NSD3: variants seen among roughly 807,000 people sequenced by gnomAD.
NSD3 encodes the protein histone-lysine N-methyltransferase NSD3.
In NSD3, 24 loss-of-function variants were observed where a neutral mutation model predicts 160.8. That is an observed-to-expected ratio of 0.15 (90% CI 0.11 to 0.21). The LOEUF (loss-of-function observed/expected upper bound fraction) is 0.21, where lower values mean the gene tolerates loss of function less well. Ranked by LOEUF, NSD3 falls within the 10% of genes least tolerant of loss-of-function variation. The probability of loss-of-function intolerance (pLI) is 1.00; values close to 1 mark genes in which losing one functional copy is unlikely to be tolerated. For synonymous variants in NSD3, 520 were observed against 600.0 expected, an observed-to-expected ratio of 0.87 and a Z score of 1.95; for missense variants, 1,157 against 1,735.9, an observed-to-expected ratio of 0.67 and a Z score of 5.93.
In NSD3 at chr8:38,275,597, A is replaced by G. The variant is rs1381774748; in HGVS notation, c.*44T>C. On this transcript the variant is annotated 3_prime_UTR_variant, in exon 24 of 24. Coordinates refer to ENST00000317025, the MANE Select transcript of NSD3 (RefSeq NM_023034.2). ...TCTCTTCTTTTTAAATGCATGATCT[A>G]TTTGCTTTTTTCACTTAAATAGAAA... 5.1e-6 allele frequency: 8 copies of G among 1,555,998 alleles called. No homozygotes were observed. Among genetic ancestry groups the G allele is most frequent in the Non-Finnish European group, 6.1e-6 (7 of 1,140,262 alleles).
chr8:38,274,308 C>G lies in NSD3; in HGVS notation c.*1333G>C, dbSNP rs770134823. On this transcript the variant is annotated 3_prime_UTR_variant, in exon 24 of 24. Coordinates refer to ENST00000317025, the MANE Select transcript of NSD3 (RefSeq NM_023034.2). ...TGGTGAGCAGACATCTTGGTATACTCGCATCTATAAGAGTCAAGCATCACC... is the reference window on the plus strand; with the variant it reads ...TGGTGAGCAGACATCTTGGTATACTGGCATCTATAAGAGTCAAGCATCACC... 4 of 152,164 alleles carry G rather than the reference C, an allele frequency of 2.6e-5. No individual in the cohort carries two copies. Among genetic ancestry groups the G allele is most frequent in the Admixed American group, 6.5e-5 (1 of 15,276 alleles). 9.4% of individuals were successfully genotyped at this position (152,164 alleles called of 1,614,324 possible). A position where few individuals can be genotyped will look rare whatever the true frequency, so the allele number is the denominator to read the frequency against.
At chr8:38,326,999 T>C in intron 6 of NSD3, 143 bp from the exon 7 acceptor site, 1 of 905,268 alleles carries the variant, frequency 1.1e-6, no homozygotes, top group Non-Finnish European at 1.6e-6. Flanking sequence ...TATCTTAGCC[T>C]TTATCAGAAA....
chr8:38,277,873 C>T (rs898983373), intron 22 of NSD3, among the ~76,000 whole-genome samples: 2 of 151,814 alleles, frequency 1.3e-5, no homozygotes, highest in Middle Eastern at 3.2e-3. Context: ...TGATGACCCA[C>T]AAACTAATCC....
rs114197140 is a variant in NSD3 at position 38,285,270 on chromosome 8, A to T, written c.3501+3217T>A. On this transcript the variant is annotated intron_variant, in intron 19 of 23. Transcript: ENST00000317025. The stretch of plus-strand genomic sequence containing the variant: ...GTCATTCAATATTTAATACCTTAAA[A>T]TTTTTTCTGAGAAAGAAACAACTTC... Among the ~76,000 whole-genome samples the T allele has an allele frequency of 8.3e-3, 1,259 of 152,300 alleles. 14 individuals carry two copies. Among genetic ancestry groups the T allele is most frequent in the African/African-American group, 0.029 (1,197 of 41,546 alleles).
chr8:38,311,323 C>T (rs768789620), intron 12 of NSD3, among the ~76,000 whole-genome samples: 11 of 151,824 alleles, frequency 7.2e-5, no homozygotes, highest in African/African-American at 1.5e-4. Context: ...TGAATTGTTT[C>T]GTTTTTTGTT....
intron 1 of NSD3, among the ~76,000 whole-genome samples, chr8:38,356,109 T>C (rs1020198775): frequency 2.6e-5 from 4 of 152,216 alleles, no homozygotes; most frequent in Non-Finnish European, 5.9e-5. Context: ...TGTACTAATC[T>C]ATCCATTCTA....
chr8:38,280,579 G>A (rs1808708858), intron 20 of NSD3, among the ~76,000 whole-genome samples: 1 of 152,030 alleles, frequency 6.6e-6, no homozygotes, highest in South Asian at 2.1e-4. Flanking sequence ...TAACAAAATA[G>A]TCAACAAATC....
In NSD3 at chr8:38,337,479, G is replaced by A; in HGVS notation, c.748-12C>T. 1.3e-6 allele frequency: 2 copies of A among 1,529,040 alleles called. No individual in the cohort carries two copies. Among genetic ancestry groups the A allele is most frequent in the Non-Finnish European group, 1.7e-6 (2 of 1,144,544 alleles). The allele number at this position is 1,529,040 out of a possible 1,614,324, so 94.7% of individuals were successfully genotyped here. A position where few individuals can be genotyped will look rare whatever the true frequency, so the allele number is the denominator to read the frequency against. On this transcript the variant is annotated splice_polypyrimidine_tract_variant and intron_variant, in intron 3 of 23. Coordinates refer to ENST00000317025, the MANE Select transcript of NSD3 (RefSeq NM_023034.2). ...AGTATTGGCTGAACCTACAGGAAAGGGTCAAAAAACTTCATCAGAAATTCA... is the reference window on the plus strand; with the variant it reads ...AGTATTGGCTGAACCTACAGGAAAGAGTCAAAAAACTTCATCAGAAATTCA...
chr8:38,292,514 G>T (rs970047529), intron 16 of NSD3, among the ~76,000 whole-genome samples: 1 of 152,048 alleles, frequency 6.6e-6, no homozygotes, highest in East Asian at 1.9e-4. Flanking sequence ...CAGGCACGGT[G>T]TCTCACGCCT....
At chr8:38,332,823 G>C (rs771396452) in intron 4 of NSD3, among the ~76,000 whole-genome samples, 1 of 151,918 alleles carries the variant, frequency 6.6e-6, no homozygotes, top group Non-Finnish European at 1.5e-5. Context: ...AAAAAAAACT[G>C]ATCTTTTGCG....
chr8:38,315,895 C>A lies in NSD3; in HGVS notation c.1986+17G>T, dbSNP rs1809651763. On this transcript the variant is annotated intron_variant, in intron 10 of 23. Transcript: ENST00000317025. ...TTCAAGAAAGAACACTTTGTCCAGA[C>A]CCTTGCACATATTTACCTGCAGGTC... 1 of 1,613,080 alleles carries A rather than the reference C, an allele frequency of 6.2e-7. No homozygotes were observed. The highest frequency in any genetic ancestry group is 1.7e-5 in the Admixed American group (1 of 59,936).
Position 38,275,548 on chromosome 8 carries a change from C to T in NSD3, c.*93G>A, listed in dbSNP as rs563083998. On this transcript the variant is annotated 3_prime_UTR_variant, in exon 24 of 24. Transcript: ENST00000317025. ...TGCTTTAATAAGGCAGTTCCGATGG[C>T]AAAGGCTGTATGCACTGTAGCAGTC... 104 of 1,268,210 alleles carry T rather than the reference C, an allele frequency of 8.2e-5. No individual in the cohort carries two copies. The African/African-American group carries it at 1.4e-3, about 17-fold the overall frequency. The allele number at this position is 1,268,210 out of a possible 1,614,324, so 78.6% of individuals were successfully genotyped here. A position where few individuals can be genotyped will look rare whatever the true frequency, so the allele number is the denominator to read the frequency against.
At chr8:38,379,504 C>T (rs1017263229) in intron 1 of NSD3, among the ~76,000 whole-genome samples, 3 of 151,546 alleles carry the variant, frequency 2.0e-5, no homozygotes, top group African/African-American at 4.9e-5. Flanking sequence ...TTTTTTAATG[C>T]AACTGTTCCT....
intron 16 of NSD3, among the ~76,000 whole-genome samples, chr8:38,293,535 C>T (rs373926500): frequency 5.9e-5 from 9 of 151,532 alleles, no homozygotes; most frequent in African/African-American, 1.7e-4. Flanking sequence ...GGCAACAGAG[C>T]GAGACCCTGT....
chr8:38,375,575 CT>C (rs1244381616), intron 1 of NSD3, among the ~76,000 whole-genome samples: 3 of 151,926 alleles, frequency 2.0e-5, no homozygotes, highest in Non-Finnish European at 4.4e-5. Flanking sequence ...GAAAACAAAA[CT>C]GTAAGCTTTT....
Position 38,272,500 on chromosome 8 carries a change from T to A in NSD3, c.*3141A>T, listed in dbSNP as rs1011536266. The A allele has an allele frequency of 6.6e-6, 1 of 152,348 alleles. No individual in the cohort carries two copies. The highest frequency in any genetic ancestry group is 2.4e-5 in the African/African-American group (1 of 41,476). The allele number at this position is 152,348 out of a possible 1,614,324, so 9.4% of individuals were successfully genotyped here. On this transcript the variant is annotated 3_prime_UTR_variant, in exon 24 of 24. Coordinates refer to ENST00000317025, the MANE Select transcript of NSD3 (RefSeq NM_023034.2). ...CAGCCACAGGCAGCTCTTCTGATTC[T>A]TCCCTCGCAGCAGTGGCGGTCCAGC...
Position 38,356,748 on chromosome 8 carries a change from C to A in NSD3, c.-44-8533G>T, listed in dbSNP as rs555723339. Among the ~76,000 whole-genome samples, 7 of 152,148 alleles carry A rather than the reference C, an allele frequency of 4.6e-5. No homozygotes were observed. In the East Asian group the frequency reaches 1.4e-3, roughly 29 times the overall value. On this transcript the variant is annotated intron_variant, in intron 1 of 23. Coordinates refer to ENST00000317025, the MANE Select transcript of NSD3 (RefSeq NM_023034.2). ...CTACTCTATAGAATTACATGTTGTG[C>A]TGTATATATTCTTTTTTTCTATGTT...
rs1238698944 is a variant in NSD3 at position 38,359,176 on chromosome 8, T to G, written c.-44-10961A>C. On this transcript the variant is annotated intron_variant, in intron 1 of 23. Coordinates refer to ENST00000317025, the MANE Select transcript of NSD3 (RefSeq NM_023034.2). ...TTAGGTTTTCATAATTAAAAAATTTTTAGTAATACAGTAACAAATGTGTAT... is the reference window on the plus strand; with the variant it reads ...TTAGGTTTTCATAATTAAAAAATTTGTAGTAATACAGTAACAAATGTGTAT... Among the ~76,000 whole-genome samples the G allele has an allele frequency of 3.3e-5, 5 of 152,294 alleles. No individual in the cohort carries two copies. In the South Asian group the frequency reaches 6.2e-4, roughly 19 times the overall value.
At chr8:38,363,072 C>A (rs990706151) in intron 1 of NSD3, among the ~76,000 whole-genome samples, 1 of 152,158 alleles carries the variant, frequency 6.6e-6, no homozygotes, top group African/African-American at 2.4e-5. Flanking sequence ...TGTGGTAGTG[C>A]CTTCAGTCAT....
Sources: gnomAD v4.1 joint callset for allele counts (sites outside exome capture counted in the v4.1 genomes callset) on GRCh38, gnomAD v4.1.1 for gene constraint, MANE v1.5 for transcripts, NCBI Gene and HGNC (gene_info 2026-07-23, HGNC 2026-07-21) for gene names.